Variants in PCSK4 observed in about 807,000 individuals in gnomAD.
PCSK4 encodes proprotein convertase subtilisin/kexin type 4.
In PCSK4, 64 loss-of-function variants were observed where a neutral mutation model predicts 80.3. The ratio of observed to expected loss-of-function variants is 0.80; its 90% CI spans 0.65 to 0.98. PCSK4 has a LOEUF of 0.98. PCSK4 is among the 50% of genes least tolerant of loss of function. The pLI is 0.00. For missense variants in PCSK4, 1,213 were observed against 1,093.6 expected (o/e 1.11, Z -1.54); for synonymous variants, 561 against 487.6 (o/e 1.15, Z -1.98).
At chr19:1,489,769 G>T (rs1341829272) in intron 2 of PCSK4, 24 bp downstream of exon 2, 4 of 1,594,124 alleles carry the variant, frequency 2.5e-6, no homozygotes, top group Non-Finnish European at 3.4e-6. Flanking sequence ...CCGGGCAGGG[G>T]GTTGGCCTCC....
intron 2 of PCSK4, 38 bp downstream of exon 2, chr19:1,489,755 G>T: frequency 1.3e-6 from 2 of 1,577,824 alleles, no homozygotes; most frequent in South Asian, 2.3e-5. Flanking sequence ...AGGCAGCTGA[G>T]ACCCCGGGCA....
chr19:1,482,438 C>T (rs770265761), exon 14 of PCSK4: 105 of 1,608,108 alleles, frequency 6.5e-5, no homozygotes, highest in Middle Eastern at 1.7e-4. Flanking sequence ...TGTCCTCGGC[C>T]GTCCCATAGA....
chr19:1,482,877 AGCCCC>A lies in PCSK4; in HGVS notation c.1696+14_1696+18del. Reference sequence around the variant, plus strand: ...TGGAGAGCCAAGCCCCGCCCACCACAGCCCCGCCCCGCCCTCACCCGTGTTGAAAT... The same window carrying A: ...TGGAGAGCCAAGCCCCGCCCACCACAGCCCCGCCCTCACCCGTGTTGAAAT... On this transcript the variant is annotated intron_variant, in intron 13 of 14. Coordinates refer to ENST00000300954, the Ensembl canonical transcript of PCSK4. 6.4e-7 allele frequency: 1 copy of A among 1,564,756 alleles called. No homozygotes were observed. The highest frequency in any genetic ancestry group is 8.8e-7 in the Non-Finnish European group (1 of 1,140,044).
Position 1,490,055 on chromosome 19 carries a change from T to C in PCSK4, c.189+103A>G, listed in dbSNP as rs577179297. The C allele has an allele frequency of 4.5e-4, 683 of 1,528,326 alleles. 9 individuals carry two copies. The East Asian group carries it at 0.017, about 37-fold the overall frequency. 94.7% of individuals were successfully genotyped at this position (1,528,326 alleles called of 1,614,324 possible). A position where few individuals can be genotyped will look rare whatever the true frequency, so the allele number is the denominator to read the frequency against. On this transcript the variant is annotated intron_variant, in intron 1 of 14. Transcript: ENST00000300954. ...CTGAGGCAGGGGTGGGCTGGGACTCTTGATATTTAGAAGACCTTGTGGGCT... is the reference window on the plus strand; with the variant it reads ...CTGAGGCAGGGGTGGGCTGGGACTCCTGATATTTAGAAGACCTTGTGGGCT...
chr19:1,487,321 G>C lies in PCSK4; in HGVS notation c.683-8C>G, dbSNP rs770926042. Reference sequence around the variant, plus strand: ...CGTCCAGCATCCGTACGCCTGCAGAGCCAGGGCGGGAGGGCCGCTGCCACC... The same window carrying C: ...CGTCCAGCATCCGTACGCCTGCAGACCCAGGGCGGGAGGGCCGCTGCCACC... On this transcript the variant is annotated splice_polypyrimidine_tract_variant and splice_region_variant and intron_variant, in intron 6 of 14. Coordinates refer to ENST00000300954, the Ensembl canonical transcript of PCSK4. 8.2e-6 allele frequency: 13 copies of C among 1,579,316 alleles called. No individual in the cohort carries two copies. The highest frequency in any genetic ancestry group is 1.1e-5 in the Non-Finnish European group (13 of 1,167,412).
At chr19:1,489,288 T>C (rs910598306) in intron 2 of PCSK4, among the ~76,000 whole-genome samples, 1 of 152,126 alleles carries the variant, frequency 6.6e-6, no homozygotes, top group African/African-American at 2.4e-5. Context: ...CCTGCCACCA[T>C]GCCCGGCTAA....
chr19:1,483,298 T>C (rs778733361), exon 12 of PCSK4: 2 of 1,600,818 alleles, frequency 1.2e-6, no homozygotes, highest in South Asian at 1.1e-5. Flanking sequence ...TGGCCACGAG[T>C]GTGGAGCGCG....
At position 1,483,810 on chromosome 19, in the gene PCSK4, TCCCCGCCCCC is replaced by T; in HGVS notation, c.1273+18_1273+27del. 1 of 1,494,492 alleles carries T rather than the reference TCCCCGCCCCC, an allele frequency of 6.7e-7. No individual in the cohort carries two copies. The highest frequency in any genetic ancestry group is 1.3e-5 in the South Asian group (1 of 77,984). The allele number at this position is 1,494,492 out of a possible 1,614,324, so 92.6% of individuals were successfully genotyped here. A position where few individuals can be genotyped will look rare whatever the true frequency, so the allele number is the denominator to read the frequency against. On this transcript the variant is annotated intron_variant, in intron 10 of 14. Coordinates refer to ENST00000300954, the Ensembl canonical transcript of PCSK4. ...AGTCACTCGCCCCGTGGGCCCCGGG[TCCCCGCCCCC>T]GCCCGGCCCCGCCGCACCTTGGCGC...
At chr19:1,481,878 C>A in exon 15 of PCSK4, 1 of 1,590,506 alleles carries the variant, frequency 6.3e-7, no homozygotes, top group Non-Finnish European at 8.6e-7. Flanking sequence ...CCGAGGGTCA[C>A]GGCCAGGAGG....
intron 8 of PCSK4, among the ~76,000 whole-genome samples, chr19:1,484,542 G>C (rs1003997816): frequency 2.4e-4 from 36 of 151,192 alleles, no homozygotes; most frequent in African/African-American, 8.5e-4. Context: ...CAAGGGCTGG[G>C]TGCGGTGGCT....
chr19:1,488,088 C>A (rs1322199064), exon 4 of PCSK4: 1 of 1,612,914 alleles, frequency 6.2e-7, no homozygotes, highest in African/African-American at 1.3e-5. Context: ...TTGGGCCTCG[C>A]TGTTCTGCAG....
chr19:1,482,093 G>C (rs749353260), exon 15 of PCSK4: 1 of 1,550,288 alleles, frequency 6.5e-7, no homozygotes, highest in Non-Finnish European at 8.7e-7. Flanking sequence ...GACCCTCAGC[G>C]CGGGCGCCGC....
At chr19:1,487,755 TC>T (rs753274564) in intron 5 of PCSK4, 29 bp downstream of exon 5, 2 of 1,550,600 alleles carry the variant, frequency 1.3e-6, no homozygotes, top group Admixed American at 1.9e-5. Flanking sequence ...TACTGGGGCT[TC>T]CCCCGTGTGC....
chr19:1,488,585 T>C (rs528390522), intron 2 of PCSK4, among the ~76,000 whole-genome samples: 2 of 152,134 alleles, frequency 1.3e-5, no homozygotes, highest in Non-Finnish European at 2.9e-5. Context: ...CTTCCTTATT[T>C]TTTTTCTTTT....
At chr19:1,483,147 G>A in intron 12 of PCSK4, 127 bp from the exon 13 acceptor site, 1 of 1,238,750 alleles carries the variant, frequency 8.1e-7, no homozygotes, top group Non-Finnish European at 1.1e-6. Context: ...GGGTGAGGGT[G>A]TGACTCGGGG....
chr19:1,482,622 G>A (rs893015957), intron 13 of PCSK4, 147 bp from the exon 14 acceptor site: 30 of 1,007,280 alleles, frequency 3.0e-5, no homozygotes, highest in Middle Eastern at 3.0e-4. Flanking sequence ...CCTACTGTGC[G>A]CCTGTCACTG....
chr19:1,486,829 C>T, intron 8 of PCSK4, 24 bp downstream of exon 8: 1 of 1,573,736 alleles, frequency 6.4e-7, no homozygotes, highest in Non-Finnish European at 8.6e-7. Context: ...GGGGAGGGGA[C>T]CCTGTTGGGG....
In PCSK4 at chr19:1,490,358, G is replaced by T. The variant is rs897660345; in HGVS notation, c.-12C>A. The T allele has an allele frequency of 4.7e-6, 5 of 1,069,130 alleles. No homozygotes were observed. In the African/African-American group the frequency reaches 6.6e-5, roughly 14 times the overall value. 66.2% of individuals were successfully genotyped at this position (1,069,130 alleles called of 1,614,324 possible). ...GGGGCGGGCCGCATGGAGGCGGGGC[G>T]GGAGCGGGGCCTGCGCAAATCCCCT... On this transcript the variant is annotated 5_prime_UTR_variant, in exon 1 of 15. Coordinates refer to ENST00000300954, the Ensembl canonical transcript of PCSK4.
At position 1,487,858 on chromosome 19, in the gene PCSK4, G is replaced by A. The variant is rs377093840; in HGVS notation, c.520C>T (p.Pro174Ser). The change falls in exon 5 of 15, where the codon CCC (proline) becomes TCC (serine). Residue 174 changes from proline (P) to serine (S), a missense_variant. By Grantham distance (74) the Pro-to-Ser change is moderately conservative. Transcript: ENST00000300954. Reference sequence around the variant, plus strand: ...TCATTGAAGTCATAGCTGGCCAGGGGGTCCTGGGGGCAGGTGGGGATATGA... The same window carrying A: ...TCATTGAAGTCATAGCTGGCCAGGGAGTCCTGGGGGCAGGTGGGGATATGA... The A allele has an allele frequency of 2.5e-5, 39 of 1,545,130 alleles. No individual in the cohort carries two copies. Among genetic ancestry groups the A allele is most frequent in the Non-Finnish European group, 3.2e-5 (36 of 1,140,626 alleles).
Sources: allele counts gnomAD v4.1 joint callset (sites outside exome capture counted in the v4.1 genomes callset), GRCh38; gene constraint gnomAD v4.1.1; transcripts MANE v1.5; gene names NCBI Gene and HGNC (gene_info 2026-07-23, HGNC 2026-07-21).